SMYD3: variants seen among roughly 807,000 people sequenced by gnomAD.
SMYD3 encodes histone-lysine N-methyltransferase SMYD3.
A neutral mutation model predicts 57.7 loss-of-function variants in SMYD3; 36 were observed. The ratio of observed to expected loss-of-function variants is 0.62; its 90% CI spans 0.48 to 0.82. The LOEUF (loss-of-function observed/expected upper bound fraction) is 0.82. Among genes scored for constraint, SMYD3 ranks in the 40% least tolerant of loss-of-function variants. The pLI, the probability that SMYD3 is intolerant of heterozygous loss-of-function variation, is 0.00. For synonymous variants in SMYD3, 211 were observed against 195.0 expected (o/e 1.08, Z -0.68); for missense variants, 515 against 538.8 (o/e 0.96, Z 0.44).
intron 10 of SMYD3, among the ~76,000 whole-genome samples, chr1:245,825,647 C>G (rs2049443924): frequency 6.6e-6 from 1 of 152,120 alleles, no homozygotes; most frequent in Admixed American, 6.5e-5. Context: ...AGGGCTTTCT[C>G]CTACCTGTTC....
At chr1:246,033,831 T>TA (rs1255483057) in intron 5 of SMYD3, among the ~76,000 whole-genome samples, 9 of 152,056 alleles carry the variant, frequency 5.9e-5, no homozygotes, top group Non-Finnish European at 1.2e-4. Flanking sequence ...AAAATTTTTT[T>TA]AAATGTCAGT....
At chr1:245,778,384 T>C (rs898628708) in intron 10 of SMYD3, among the ~76,000 whole-genome samples, 1 of 151,850 alleles carries the variant, frequency 6.6e-6, no homozygotes, top group African/African-American at 2.4e-5. Context: ...AGCCAATTAT[T>C]TTTTTTTTCC....
intron 1 of SMYD3, among the ~76,000 whole-genome samples, chr1:246,438,552 T>C (rs918840301): frequency 2.6e-5 from 4 of 152,102 alleles, no homozygotes; most frequent in Admixed American, 6.6e-5. Context: ...CCAGCACGGA[T>C]ACCAAAATCC....
At chr1:246,147,646 G>C (rs2061872277) in intron 5 of SMYD3, among the ~76,000 whole-genome samples, 1 of 151,918 alleles carries the variant, frequency 6.6e-6, no homozygotes, top group South Asian at 2.1e-4. Context: ...CTTCCTGGGT[G>C]GGGCTACAGC....
chr1:245,960,145 G>C (rs2057962306), intron 5 of SMYD3, among the ~76,000 whole-genome samples: 1 of 152,146 alleles, frequency 6.6e-6, no homozygotes, highest in Admixed American at 6.5e-5. Flanking sequence ...AGTCCAAAGG[G>C]AAATTGGCAT....
At chr1:245,808,853 C>T (rs2048317821) in intron 10 of SMYD3, among the ~76,000 whole-genome samples, 1 of 152,102 alleles carries the variant, frequency 6.6e-6, no homozygotes, top group African/African-American at 2.4e-5. Flanking sequence ...ACCACTACCT[C>T]CTGGGTTCAA....
chr1:246,166,975 C>G (rs112181121), intron 5 of SMYD3, among the ~76,000 whole-genome samples: 184 of 152,282 alleles, frequency 1.2e-3, no homozygotes, highest in African/African-American at 4.1e-3. Context: ...GACCATCAAT[C>G]TGCACTCCGT....
At chr1:245,897,927 A>G in intron 8 of SMYD3, among the ~76,000 whole-genome samples, 1 of 152,058 alleles carries the variant, frequency 6.6e-6, no homozygotes, top group East Asian at 1.9e-4. Context: ...TCAATCAGCT[A>G]TGATGAAGAA....
intron 5 of SMYD3, among the ~76,000 whole-genome samples, chr1:246,220,581 G>A (rs541068273): frequency 6.6e-6 from 1 of 152,254 alleles, no homozygotes; most frequent in South Asian, 2.1e-4. Context: ...TGCCCACTCC[G>A]ACCTGGGAGC....
At chr1:245,866,733 A>G in intron 8 of SMYD3, among the ~76,000 whole-genome samples, 1 of 152,164 alleles carries the variant, frequency 6.6e-6, no homozygotes, top group East Asian at 1.9e-4. Flanking sequence ...CTCTGCCTCA[A>G]AAAAAGAAAA....
intron 5 of SMYD3, among the ~76,000 whole-genome samples, chr1:246,294,516 G>A (rs1022035091): frequency 2.0e-5 from 3 of 152,114 alleles, no homozygotes; most frequent in Non-Finnish European, 2.9e-5. Flanking sequence ...CAAAGAATTC[G>A]TGGAGAAAGC....
chr1:246,436,098 C>G (rs958764212), intron 1 of SMYD3, among the ~76,000 whole-genome samples: 2 of 150,628 alleles, frequency 1.3e-5, no homozygotes, highest in African/African-American at 4.9e-5. Context: ...GTAGTAGTTA[C>G]ATATTCAAAT....
intron 5 of SMYD3, among the ~76,000 whole-genome samples, chr1:246,030,860 C>T (rs537629028): frequency 3.5e-4 from 54 of 152,172 alleles, no homozygotes; most frequent in East Asian, 2.9e-3. Context: ...TGCAGTGGAA[C>T]GCTTACATCA....
chr1:245,904,247 C>T (rs56206147), intron 8 of SMYD3, among the ~76,000 whole-genome samples: 15,493 of 152,116 alleles, frequency 0.1, 963 homozygotes, highest in African/African-American at 0.17. Context: ...AGGTGCTCTT[C>T]CTGCTTTGCT....
chr1:245,855,741 A>G (rs961120708), intron 10 of SMYD3, among the ~76,000 whole-genome samples: 4 of 152,240 alleles, frequency 2.6e-5, no homozygotes, highest in Admixed American at 6.5e-5. Context: ...AATAAATGAG[A>G]GTAGCAAGAA....
At chr1:246,435,550 G>C (rs1480684766) in intron 1 of SMYD3, among the ~76,000 whole-genome samples, 1 of 151,882 alleles carries the variant, frequency 6.6e-6, no homozygotes, top group Non-Finnish European at 1.5e-5. Context: ...GGTATTCTGA[G>C]TAACTGTAAT....
At chr1:246,185,930 A>T (rs775180790) in intron 5 of SMYD3, among the ~76,000 whole-genome samples, 2 of 152,224 alleles carry the variant, frequency 1.3e-5, no homozygotes, top group Non-Finnish European at 2.9e-5. Context: ...AACTTAGGAC[A>T]GTGGACCTTG....
At chr1:245,890,610 G>C (rs9729295) in intron 8 of SMYD3, among the ~76,000 whole-genome samples, 2 of 152,092 alleles carry the variant, frequency 1.3e-5, no homozygotes, top group African/African-American at 4.8e-5. Context: ...GGGAACCCTC[G>C]CACACTATTG....
intron 8 of SMYD3, among the ~76,000 whole-genome samples, chr1:245,896,997 A>G (rs2053859116): frequency 6.6e-6 from 1 of 152,222 alleles, no homozygotes; most frequent in South Asian, 2.1e-4. Flanking sequence ...AACTGAAAAC[A>G]ATCAGAACAT....
Sources: allele counts gnomAD v4.1 joint callset (sites outside exome capture counted in the v4.1 genomes callset), GRCh38; gene constraint gnomAD v4.1.1; transcripts MANE v1.5; gene names NCBI Gene and HGNC (gene_info 2026-07-23, HGNC 2026-07-21).